The following RSPO3 variants were observed in gnomAD, a reference collection of about 807,000 sequenced individuals.
RSPO3 encodes R-spondin-3.
Under a neutral mutation model 36.5 loss-of-function variants are expected in RSPO3, and 17 were observed. The ratio of observed to expected loss-of-function variants is 0.47; its 90% CI spans 0.32 to 0.70. The LOEUF (loss-of-function observed/expected upper bound fraction) is 0.70, where lower values mean the gene tolerates loss of function less well. RSPO3 is among the 30% of genes least tolerant of loss of function. The probability of loss-of-function intolerance (pLI) is 0.04; values close to 1 mark genes in which losing one functional copy is unlikely to be tolerated. For synonymous variants in RSPO3, 108 were observed against 107.0 expected (o/e 1.01, Z -0.06); for missense variants, 294 against 322.5 (o/e 0.91, Z 0.68).
intron 1 of RSPO3, among the ~76,000 whole-genome samples, chr6:127,125,169 GA>G (rs1773915602): frequency 6.6e-6 from 1 of 152,046 alleles, no homozygotes; most frequent in African/African-American, 2.4e-5. Flanking sequence ...TGGTACTAAA[GA>G]ATATGATTGT....
chr6:127,151,414 TG>T (rs1377810905), intron 3 of RSPO3, among the ~76,000 whole-genome samples: 2 of 151,940 alleles, frequency 1.3e-5, no homozygotes. Flanking sequence ...CTGAACCAAA[TG>T]GTAAAATAGC....
chr6:127,187,637 T>C (rs1229801491), intron 4 of RSPO3, among the ~76,000 whole-genome samples: 1 of 152,140 alleles, frequency 6.6e-6, no homozygotes, highest in African/African-American at 2.4e-5. Context: ...TAAGTCAATG[T>C]ATCTGATTTA....
rs527966738 is a variant in RSPO3 at position 127,129,882 on chromosome 6, G to A, written c.97+10593G>A. Among the ~76,000 whole-genome samples, 7 of 152,116 alleles carry A rather than the reference G, an allele frequency of 4.6e-5. No homozygotes were observed. In the East Asian group the frequency reaches 1.2e-3, roughly 25 times the overall value. On this transcript the variant is annotated intron_variant, in intron 1 of 4. Transcript: ENST00000356698. ...ATAAAAGAAGGTGTCTGACTAGCAT[G>A]GAAATGGAAGGGAAGGAATTCTTGT... is the stretch of plus-strand genomic sequence containing the variant.
chr6:127,169,269 C>A (rs1027169115), intron 4 of RSPO3, among the ~76,000 whole-genome samples: 1 of 151,570 alleles, frequency 6.6e-6, no homozygotes, highest in Non-Finnish European at 1.5e-5. Flanking sequence ...TACAACTTCT[C>A]CTTCTCAGAT....
chr6:127,148,886 T>G (rs768636669), intron 2 of RSPO3, 47 bp downstream of exon 2: 10 of 1,462,284 alleles, frequency 6.8e-6, no homozygotes, highest in Non-Finnish European at 9.4e-6. Context: ...TTTGGTGACT[T>G]TTCCAGATTG....
At chr6:127,191,758 T>C (rs1355043817) in intron 4 of RSPO3, among the ~76,000 whole-genome samples, 1 of 152,216 alleles carries the variant, frequency 6.6e-6, no homozygotes, top group Non-Finnish European at 1.5e-5. Context: ...AATAGCCTAT[T>C]GGCCTTTTCT....
chr6:127,198,279 A>G lies in RSPO3; in HGVS notation c.*2272A>G, dbSNP rs1207194459. Among the ~76,000 whole-genome samples the G allele has an allele frequency of 6.6e-6, 1 of 152,256 alleles. No homozygotes were observed. The highest frequency in any genetic ancestry group is 2.4e-5 in the African/African-American group (1 of 41,480). On this transcript the variant is annotated 3_prime_UTR_variant, in exon 5 of 5. Coordinates refer to ENST00000356698, the MANE Select transcript of RSPO3 (RefSeq NM_032784.5). The stretch of plus-strand genomic sequence containing the variant: ...GAATTATTACAAAGGAAAAAGAAAT[A>G]AAAACTAACATTCATTTTCATATGT...
chr6:127,178,387 A>G (rs1379520537), intron 4 of RSPO3, among the ~76,000 whole-genome samples: 1 of 151,726 alleles, frequency 6.6e-6, no homozygotes, highest in African/African-American at 2.4e-5. Context: ...TTGGTGCAAA[A>G]ATGGTTTTAG....
At chr6:127,139,048 G>A (rs1774216682) in intron 1 of RSPO3, among the ~76,000 whole-genome samples, 1 of 152,126 alleles carries the variant, frequency 6.6e-6, no homozygotes, top group South Asian at 2.1e-4. Flanking sequence ...AAAGGTGCAT[G>A]TATATTCTTC....
chr6:127,155,705 T>C (rs1774582077), intron 4 of RSPO3, among the ~76,000 whole-genome samples: 1 of 152,114 alleles, frequency 6.6e-6, no homozygotes, highest in Admixed American at 6.6e-5. Context: ...GCATTATCTG[T>C]ACTATAATCT....
At chr6:127,161,897 C>T (rs1209564821) in intron 4 of RSPO3, among the ~76,000 whole-genome samples, 2 of 152,096 alleles carry the variant, frequency 1.3e-5, no homozygotes, top group African/African-American at 4.8e-5. Flanking sequence ...TTTCAGTTAG[C>T]TTTTGCTGCA....
chr6:127,145,625 T>C (rs1453086687), intron 1 of RSPO3, among the ~76,000 whole-genome samples: 1 of 152,160 alleles, frequency 6.6e-6, no homozygotes, highest in Non-Finnish European at 1.5e-5. Flanking sequence ...TGTTTCCTTC[T>C]CTAGCCAAAC....
At chr6:127,123,103 T>C (rs1486414628) in intron 1 of RSPO3, among the ~76,000 whole-genome samples, 2 of 152,246 alleles carry the variant, frequency 1.3e-5, no homozygotes, top group Non-Finnish European at 1.5e-5. Flanking sequence ...GGTAATAAAA[T>C]AAAAACAGAC....
intron 4 of RSPO3, among the ~76,000 whole-genome samples, chr6:127,166,310 C>T (rs1300568124): frequency 6.6e-6 from 1 of 151,792 alleles, no homozygotes; most frequent in Non-Finnish European, 1.5e-5. Flanking sequence ...AAAATTGTTT[C>T]CCATTTTTTT....
intron 1 of RSPO3, among the ~76,000 whole-genome samples, chr6:127,135,842 A>G (rs111859841): frequency 0.016 from 2,377 of 151,226 alleles, 57 homozygotes; most frequent in African/African-American, 0.053. Context: ...TGAGAGTATC[A>G]CTTGAACCCT....
intron 4 of RSPO3, among the ~76,000 whole-genome samples, chr6:127,187,523 G>A (rs1387779263): frequency 6.6e-6 from 1 of 152,028 alleles, no homozygotes; most frequent in Non-Finnish European, 1.5e-5. Context: ...GTAAGAATGA[G>A]AATAAATTTA....
In RSPO3 at chr6:127,197,511, T is replaced by C. The variant is rs1172028293; in HGVS notation, c.*1504T>C. On this transcript the variant is annotated 3_prime_UTR_variant, in exon 5 of 5. Transcript: ENST00000356698. Reference sequence around the variant, plus strand: ...CCTTGCAGGAGGAGGTATCTCTGAGTGTGCAGCACAGAATCGCATGACCCA... The same window carrying C: ...CCTTGCAGGAGGAGGTATCTCTGAGCGTGCAGCACAGAATCGCATGACCCA... 3.2e-6 allele frequency: 5 copies of C among 1,550,370 alleles called. No individual in the cohort carries two copies. The highest frequency in any genetic ancestry group is 2.7e-5 in the African/African-American group (2 of 73,010).
At chr6:127,182,788 G>A (rs1775214621) in intron 4 of RSPO3, among the ~76,000 whole-genome samples, 1 of 151,888 alleles carries the variant, frequency 6.6e-6, no homozygotes, top group South Asian at 2.1e-4. Context: ...GGGAAGTCAG[G>A]CTTCTGAGAC....
intron 3 of RSPO3, among the ~76,000 whole-genome samples, chr6:127,153,575 TA>T (rs1183963657): frequency 6.6e-6 from 1 of 152,126 alleles, no homozygotes; most frequent in Admixed American, 6.6e-5. Context: ...CTTCTGACTA[TA>T]AACTAATAAT....
Sources: allele counts gnomAD v4.1 joint callset (sites outside exome capture counted in the v4.1 genomes callset), GRCh38; gene constraint gnomAD v4.1.1; transcripts MANE v1.5; gene names NCBI Gene and HGNC (gene_info 2026-07-23, HGNC 2026-07-21).